PLEKHG1: variants seen among roughly 807,000 people sequenced by gnomAD.
The protein encoded by PLEKHG1 is pleckstrin homology domain-containing family G member 1.
Under a neutral mutation model 100.8 loss-of-function variants are expected in PLEKHG1, and 44 were observed. The ratio of observed to expected loss-of-function variants is 0.44; its 90% CI spans 0.34 to 0.56. The LOEUF is 0.56. Among genes scored for constraint, PLEKHG1 ranks in the 20% least tolerant of loss-of-function variants. The pLI is 0.01. For synonymous variants in PLEKHG1, 640 were observed against 662.5 expected (o/e 0.97, Z 0.52); for missense variants, 1,545 against 1,720.9 (o/e 0.90, Z 1.81).
At chr6:150,611,726 C>T (rs1322206676) in intron 1 of PLEKHG1, among the ~76,000 whole-genome samples, 1 of 150,788 alleles carries the variant, frequency 6.6e-6, no homozygotes, top group African/African-American at 2.4e-5. Flanking sequence ...GCAGGAGAGT[C>T]GCTTCAACTC....
intron 3 of PLEKHG1, among the ~76,000 whole-genome samples, chr6:150,670,196 G>A (rs1465358402): frequency 6.6e-6 from 1 of 152,148 alleles, no homozygotes. Context: ...AATAAACAAT[G>A]AGGAATCAAT....
intron 2 of PLEKHG1, among the ~76,000 whole-genome samples, chr6:150,739,376 T>C (rs552472750): frequency 6.6e-6 from 1 of 152,152 alleles, no homozygotes; most frequent in East Asian, 1.9e-4. Context: ...AAAAAAAAGC[T>C]AAGTAATGGG....
intron 13 of PLEKHG1, among the ~76,000 whole-genome samples, chr6:150,823,030 T>C (rs945612740): frequency 7.9e-5 from 12 of 151,988 alleles, no homozygotes; most frequent in African/African-American, 1.9e-4. Flanking sequence ...GGGATGGGAG[T>C]AGTGCAGGAG....
intron 14 of PLEKHG1, among the ~76,000 whole-genome samples, chr6:150,826,508 G>A (rs1047564648): frequency 6.6e-6 from 1 of 152,176 alleles, no homozygotes; most frequent in African/African-American, 2.4e-5. Context: ...CTCAAATGCT[G>A]AGAATGTGGA....
At chr6:150,739,122 C>T (rs2128621068) in intron 2 of PLEKHG1, among the ~76,000 whole-genome samples, 1 of 152,198 alleles carries the variant, frequency 6.6e-6, no homozygotes, top group African/African-American at 2.4e-5. Context: ...CTGTTGTAAC[C>T]TGTTAGTAAA....
Position 150,704,108 on chromosome 6 carries a change from G to A in PLEKHG1, c.-98-29476G>A, listed in dbSNP as rs137932012. ...AAGTATCCTCAATGGTTGATGGTCCGACTGACCTGTTAGCATGTTGAGAAT... is the reference window on the plus strand; with the variant it reads ...AAGTATCCTCAATGGTTGATGGTCCAACTGACCTGTTAGCATGTTGAGAAT... On this transcript the variant is annotated intron_variant, in intron 3 of 3. Transcript: ENST00000367326. Among the ~76,000 whole-genome samples the A allele has an allele frequency of 7.6e-4, 115 of 152,290 alleles. 1 individual carries two copies. Among genetic ancestry groups the A allele is most frequent in the Non-Finnish European group, 1.3e-3 (91 of 68,028 alleles).
In PLEKHG1 at chr6:150,825,175, G is replaced by T. The variant is rs56362658; in HGVS notation, c.1470+1499G>T. 7.1e-3 allele frequency among the ~76,000 whole-genome samples: 1,074 copies of T among 152,228 alleles called. 10 individuals are homozygous for T. Among genetic ancestry groups the T allele is most frequent in the African/African-American group, 0.021 (852 of 41,528 alleles). On this transcript the variant is annotated intron_variant, in intron 14 of 15. Transcript: ENST00000358517. ...TAACCAAACCTTATGAAATAAAAAG[G>T]CAAGAAAGAAAACATCCATGCTTTT...
At chr6:150,749,841 G>A (rs2128627912) in intron 2 of PLEKHG1, among the ~76,000 whole-genome samples, 1 of 152,130 alleles carries the variant, frequency 6.6e-6, no homozygotes, top group African/African-American at 2.4e-5. Context: ...TGGGAGGCCA[G>A]GGTGGGTGGA....
chr6:150,783,147 A>T (rs1470525211), intron 3 of PLEKHG1, among the ~76,000 whole-genome samples: 1 of 150,322 alleles, frequency 6.7e-6, no homozygotes, highest in Admixed American at 6.6e-5. Context: ...AAAAATCAAT[A>T]AAAGAAATGG....
intron 3 of PLEKHG1, among the ~76,000 whole-genome samples, chr6:150,703,048 CT>C (rs1222295398): frequency 1.3e-5 from 2 of 152,186 alleles, no homozygotes; most frequent in Non-Finnish European, 2.9e-5. Flanking sequence ...ATCATTCTCC[CT>C]TTATCTGCCT....
At chr6:150,836,496 A>G (rs1777226678) in intron 15 of PLEKHG1, among the ~76,000 whole-genome samples, 1 of 152,204 alleles carries the variant, frequency 6.6e-6, no homozygotes, top group African/African-American at 2.4e-5. Flanking sequence ...GGAGTTGAAC[A>G]AAATGTACAG....
At position 150,603,093 on chromosome 6, in the gene PLEKHG1, ATAAAAAAAAAG is replaced by A. The variant is rs1435405026; in HGVS notation, c.-204+3077_-204+3087del. ...AGACTCCGTCTCAAAAAAAAAAAAA[ATAAAAAAAAAG>A]AAAAGAAAAAATTATAATCCCTTGT... is the stretch of plus-strand genomic sequence containing the variant. On this transcript the variant is annotated intron_variant, in intron 1 of 3. Coordinates refer to the PLEKHG1 transcript ENST00000367326. Among the ~76,000 whole-genome samples the A allele has an allele frequency of 4.8e-5, 6 of 124,380 alleles. No homozygotes were observed. The East Asian group carries it at 1.2e-3, about 25-fold the overall frequency. 81.6% of individuals were successfully genotyped at this position (124,380 alleles called of 152,430 possible).
chr6:150,601,132 C>T (rs1215662915), intron 1 of PLEKHG1, among the ~76,000 whole-genome samples: 2 of 152,170 alleles, frequency 1.3e-5, no homozygotes, highest in Admixed American at 6.5e-5. Context: ...TCCAGTTTGT[C>T]ATCTAACAGA....
At chr6:150,681,203 G>A (rs9398031) in intron 3 of PLEKHG1, among the ~76,000 whole-genome samples, 33,247 of 152,030 alleles carry the variant, frequency 0.22, 5,364 homozygotes, top group African/African-American at 0.46. Flanking sequence ...ATTCAGCCTG[G>A]GTAGTGGTTA....
At chr6:150,718,667 A>C (rs893690752), upstream of PLEKHG1, among the ~76,000 whole-genome samples, 11 of 152,056 alleles carry the variant, frequency 7.2e-5, no homozygotes, top group African/African-American at 2.7e-4. Flanking sequence ...ACGAGGTTTC[A>C]TCATGTTGGT....
At chr6:150,688,487 A>G (rs1780224115) in intron 3 of PLEKHG1, among the ~76,000 whole-genome samples, 1 of 151,774 alleles carries the variant, frequency 6.6e-6, no homozygotes, top group Non-Finnish European at 1.5e-5. Flanking sequence ...TGCTTGGCTA[A>G]TTTTTGTATT....
intron 4 of PLEKHG1, 28 bp downstream of exon 5, chr6:150,786,487 A>G (rs768739647): frequency 7.0e-7 from 1 of 1,427,920 alleles, no homozygotes; most frequent in Admixed American, 1.7e-5. Context: ...TTCTGGGCCA[A>G]CTGAGACAGA....
At chr6:150,750,642 G>T (rs370137499) in intron 2 of PLEKHG1, among the ~76,000 whole-genome samples, 4 of 150,218 alleles carry the variant, frequency 2.7e-5, no homozygotes, top group African/African-American at 9.8e-5. Flanking sequence ...TTAGCCGGGC[G>T]TAGTGGCGGG....
chr6:150,755,998 G>T (rs936655498), intron 2 of PLEKHG1, among the ~76,000 whole-genome samples: 1 of 152,192 alleles, frequency 6.6e-6, no homozygotes, highest in Non-Finnish European at 1.5e-5. Flanking sequence ...AATTGCTGCT[G>T]TGGAAATTCA....
Sources: allele counts gnomAD v4.1 joint callset (sites outside exome capture counted in the v4.1 genomes callset), GRCh38; gene constraint gnomAD v4.1.1; transcripts MANE v1.5; gene names NCBI Gene and HGNC (gene_info 2026-07-23, HGNC 2026-07-21).